Variants in LILRB2 observed in about 807,000 individuals in gnomAD.
LILRB2 encodes leukocyte immunoglobulin like receptor B2, also known as leukocyte immunoglobulin-like receptor subfamily B member 2.
Under a neutral mutation model 72.7 loss-of-function variants are expected in LILRB2, and 47 were observed. The ratio of observed to expected loss-of-function variants is 0.65; its 90% confidence interval spans 0.51 to 0.82. LILRB2 has a LOEUF of 0.82. Ranked by LOEUF, LILRB2 falls within the 40% of genes least tolerant of loss-of-function variation. The probability of loss-of-function intolerance (pLI) is 0.00; values close to 1 mark genes in which losing one functional copy is unlikely to be tolerated. For missense variants in LILRB2, 767 were observed against 764.8 expected, an observed-to-expected ratio of 1.00 and a Z score of -0.03; for synonymous variants, 279 against 313.7, an observed-to-expected ratio of 0.89 and a Z score of 1.17.
intron 7 of LILRB2, 159 bp from the exon 8 acceptor site, chr19:54,278,098 G>T: frequency 8.6e-7 from 1 of 1,160,664 alleles, no homozygotes; most frequent in Non-Finnish European, 1.2e-6. Context: ...GTGTGCGCAG[G>T]CCTGGGAGGG....
Position 54,278,414 on chromosome 19 carries a change from T to G in LILRB2, c.1104A>C (p.Leu368=), listed in dbSNP as rs530711389. The part of the protein sequence containing the change: ...KAGAADAPLR[L]RSIHEYPKYQ... ...ACTTAGGATATTCGTGTATTGATCTTAGACGGAGTGGGGCATCAGCTGCTC... is the reference window on the plus strand; with the variant it reads ...ACTTAGGATATTCGTGTATTGATCTGAGACGGAGTGGGGCATCAGCTGCTC... Residue 368 remains leucine (L), a synonymous_variant, in exon 7 of 14, where the codon CTA becomes CTC. Coordinates refer to ENST00000314446, the MANE Select transcript of LILRB2 (RefSeq NM_001080978.4). 577 of 1,614,194 alleles carry G rather than the reference T, an allele frequency of 3.6e-4. 8 individuals carry two copies. In the South Asian group the frequency reaches 4.6e-3, roughly 13 times the overall value.
At chr19:54,277,419 G>T (rs1448225351) in intron 9 of LILRB2, 131 bp downstream of exon 9, 3 of 1,408,078 alleles carry the variant, frequency 2.1e-6, no homozygotes, top group African/African-American at 2.9e-5. Context: ...TTTACACTTG[G>T]AGAAACTGAG....
At chr19:54,278,046 T>G in intron 7 of LILRB2, 107 bp from the exon 8 acceptor site, 1 of 1,101,588 alleles carries the variant, frequency 9.1e-7, no homozygotes, top group Non-Finnish European at 1.3e-6. Context: ...GGCCCCTCCC[T>G]CCACCCGCCT....
Position 54,278,461 on chromosome 19 carries a change from T to C in LILRB2, c.1057A>G (p.Thr353Ala), listed in dbSNP as rs2080359556. Residue 353 changes from threonine to alanine, a missense_variant, in exon 7 of 14, where the codon ACT (threonine) becomes GCT (alanine). Physicochemically the swap from Thr to Ala is moderately conservative, Grantham distance 58. Around this residue, in one of 3 missense-constraint regions of LILRB2, gnomAD observed 599 missense variants for 568.2 expected, o/e 1.05. Coordinates refer to ENST00000314446, the MANE Select transcript of LILRB2 (RefSeq NM_001080978.4). ...GCTCCCGCCTTGGTCAGAAGGAAAG[T>C]GTGGAACTGCCGCCATGACTGACAC... Reference protein sequence around the residue: ...LLCQSWRQFHTFLLTKAGAAD... With the variant: ...LLCQSWRQFHAFLLTKAGAAD... 6.8e-6 allele frequency: 11 copies of C among 1,614,154 alleles called. No individual in the cohort carries two copies. The highest frequency in any genetic ancestry group is 8.5e-6 in the Non-Finnish European group (10 of 1,180,004).
chr19:54,277,570 G>C lies in LILRB2; in HGVS notation c.1337C>G (p.Thr446Ser), dbSNP rs2080296514. The change falls in exon 9 of 14, where the codon ACT becomes AGT. Residue 446 changes from threonine (T) to serine (S), a missense_variant. Transcript: ENST00000314446. ...CTCACCACTTTGGGGATCCGACCCA[G>C]TGGGGGTGAGGGGCTGGTCCTCAGG... is the stretch of plus-strand genomic sequence containing the variant. ...PGPEDQPLTP[T>S]GSDPQSGLGR... The C allele has an allele frequency of 6.3e-7, 1 of 1,577,260 alleles. No individual in the cohort carries two copies. The highest frequency in any genetic ancestry group is 8.6e-7 in the Non-Finnish European group (1 of 1,160,440).
rs879661813 is a variant in LILRB2, at chr19:54,277,587, G to T, written c.1320C>A (p.Asp440Glu). The T allele has an allele frequency of 5.3e-5, 83 of 1,576,588 alleles. No individual in the cohort carries two copies. Among genetic ancestry groups the T allele is most frequent in the Non-Finnish European group, 6.7e-5 (78 of 1,160,354 alleles). Reference protein sequence around the residue: ...TGPISTPGPEDQPLTPTGSDP... With the variant: ...TGPISTPGPEEQPLTPTGSDP... The stretch of plus-strand genomic sequence containing the variant: ...CCGACCCAGTGGGGGTGAGGGGCTG[G>T]TCCTCAGGGCCTGCTGGGTCAGGAC... Residue 440 changes from aspartate (D) to glutamate (E), a missense_variant, in exon 9 of 14, where the codon GAC becomes GAA. By Grantham distance (45) the Asp-to-Glu change is conservative. Around this residue, in one of 3 missense-constraint regions of LILRB2, gnomAD observed 599 missense variants for 568.2 expected, o/e 1.05. Transcript: ENST00000314446.
At chr19:54,279,299 C>T (rs1311309866) in intron 5 of LILRB2, 46 bp downstream of exon 5, 4 of 1,581,388 alleles carry the variant, frequency 2.5e-6, no homozygotes, top group Non-Finnish European at 2.6e-6. Flanking sequence ...TGCCTGGAGA[C>T]TCAGGGAGAC....
At chr19:54,276,157 C>A in intron 12 of LILRB2, 107 bp downstream of exon 12, 2 of 1,579,754 alleles carry the variant, frequency 1.3e-6, no homozygotes, top group South Asian at 2.2e-5. Context: ...GAGATGATCT[C>A]ACCCTGAGCC....
chr19:54,280,612 G>C, intron 1 of LILRB2, 68 bp from the exon 2 acceptor site: 15 of 1,536,006 alleles, frequency 9.8e-6, no homozygotes, highest in Non-Finnish European at 1.3e-5. Context: ...GACACTCAGA[G>C]GCTGGGTCCT....
At chr19:54,276,225 T>G (rs200850213) in intron 12 of LILRB2, 39 bp downstream of exon 12, 1 of 1,600,894 alleles carries the variant, frequency 6.2e-7, no homozygotes, top group Admixed American at 1.7e-5. Flanking sequence ...TCGGGGCCCC[T>G]ATCTCCCTCC....
At position 54,279,644 on chromosome 19, in the gene LILRB2, G is replaced by C. The variant is rs757051651; in HGVS notation, c.359C>G (p.Ala120Gly). ...GGCTGAGAGGGTGGGTTTTGGGTAG[G>C]CTCCTAGGAGAGAAGGAGGCATCGT... ...SDPLVLVMTG[A>G]YPKPTLSAQP... Residue 120 changes from alanine (A) to glycine (G), a missense_variant, in exon 5 of 14, where the codon GCC becomes GGC. Physicochemically the swap from Ala to Gly is moderately conservative, Grantham distance 60. Coordinates refer to ENST00000314446, the MANE Select transcript of LILRB2 (RefSeq NM_001080978.4). The C allele has an allele frequency of 1.3e-5, 21 of 1,604,064 alleles. No homozygotes were observed. The South Asian group carries it at 2.1e-4, about 16-fold the overall frequency.
chr19:54,275,784 G>A, intron 13 of LILRB2, 167 bp downstream of exon 13: 1 of 944,706 alleles, frequency 1.1e-6, no homozygotes, highest in Non-Finnish European at 1.7e-6. Flanking sequence ...GAGGTCCCAG[G>A]ACAGCAGGAG....
chr19:54,277,283 A>C, intron 9 of LILRB2: 3 of 1,474,182 alleles, frequency 2.0e-6, no homozygotes, highest in Non-Finnish European at 2.8e-6. Flanking sequence ...TCTCTGCTGC[A>C]GGTGGGACGG....
chr19:54,279,215 C>T, intron 5 of LILRB2, 107 bp from the exon 6 acceptor site: 1 of 1,544,604 alleles, frequency 6.5e-7, no homozygotes, highest in Non-Finnish European at 8.7e-7. Flanking sequence ...TGTCTCTGGC[C>T]CCAGGACCCC....
chr19:54,274,541 CA>C lies in LILRB2; in HGVS notation c.*141del. 6.8e-7 allele frequency: 1 copy of C among 1,465,744 alleles called. No individual in the cohort carries two copies. Among genetic ancestry groups the C allele is most frequent in the Non-Finnish European group, 9.1e-7 (1 of 1,097,210 alleles). The allele number at this position is 1,465,744 out of a possible 1,614,324, so 90.8% of individuals were successfully genotyped here. On this transcript the variant is annotated 3_prime_UTR_variant, in exon 14 of 14. Transcript: ENST00000314446. ...TTCGACTGCAGAATCAAGTGAGTCCCAAAGTTCCCAGCATCTCCTCATGGTC... is the reference window on the plus strand; with the variant it reads ...TTCGACTGCAGAATCAAGTGAGTCCCAAGTTCCCAGCATCTCCTCATGGTC...
intron 13 of LILRB2, 136 bp from the exon 14 acceptor site, chr19:54,274,965 C>T (rs1276122112): frequency 6.2e-7 from 1 of 1,610,310 alleles, no homozygotes; most frequent in Admixed American, 1.7e-5. Flanking sequence ...CCAGGAATTC[C>T]CCGGACAGTG....
chr19:54,280,277 G>T lies in LILRB2; in HGVS notation c.57C>A (p.Thr19=). ...ICLGLSLGPR[T]RVQTGTIPKP... Reference sequence around the variant, plus strand: ...GGACAGACTCACCTGTCTGCACGCGGGTCCTGGGGCCCAGACTCAGCCCTG... The same window carrying T: ...GGACAGACTCACCTGTCTGCACGCGTGTCCTGGGGCCCAGACTCAGCCCTG... The change falls in exon 3 of 14, where the codon ACC becomes ACA. Residue 19 remains threonine, a synonymous_variant. Transcript: ENST00000314446. 6.2e-7 allele frequency: 1 copy of T among 1,614,052 alleles called. No homozygotes were observed. Among genetic ancestry groups the T allele is most frequent in the Admixed American group, 1.7e-5 (1 of 60,030 alleles).
chr19:54,275,535 T>A, intron 13 of LILRB2: 1 of 510,418 alleles, frequency 2.0e-6, no homozygotes, highest in Non-Finnish European at 3.9e-6. Context: ...TCTCCCACCA[T>A]GAGGTGAGCT....
Position 54,274,567 on chromosome 19 carries a change from CT to C in LILRB2, c.*115del. ...AAAGTTCCCAGCATCTCCTCATGGT[CT>C]TTGTTAGGGGTCCAGGCTGACTGGG... On this transcript the variant is annotated 3_prime_UTR_variant, in exon 14 of 14. Coordinates refer to ENST00000314446, the MANE Select transcript of LILRB2 (RefSeq NM_001080978.4). The C allele has an allele frequency of 1.3e-6, 2 of 1,553,052 alleles. No homozygotes were observed. The highest frequency in any genetic ancestry group is 3.9e-5 in the Admixed American group (2 of 51,634).
Sources: gnomAD v4.1 joint callset for allele counts on GRCh38, gnomAD v4.1.1 for gene constraint, gnomAD v4.1.1 regional missense constraint, MANE v1.5 for transcripts, NCBI Gene and HGNC (gene_info 2026-07-23, HGNC 2026-07-21) for gene names.